The following ZKSCAN5 variants were observed in gnomAD, a reference collection of about 807,000 sequenced individuals.
The protein encoded by ZKSCAN5 is zinc finger with KRAB and SCAN domains 5, also known as zinc finger protein with KRAB and SCAN domains 5.
Under a neutral mutation model 60.0 loss-of-function variants are expected in ZKSCAN5, and 28 were observed. The ratio of observed to expected loss-of-function variants is 0.47; its 90% CI spans 0.35 to 0.64. The LOEUF is 0.64. Ranked by LOEUF, ZKSCAN5 falls within the 30% of genes least tolerant of loss-of-function variation. The pLI is 0.01. For missense variants in ZKSCAN5, 881 were observed against 1,034.6 expected (o/e 0.85, Z 2.04); for synonymous variants, 361 against 371.2 (o/e 0.97, Z 0.31).
chr7:99,527,201 T>C (rs1464611215), intron 6 of ZKSCAN5, among the ~76,000 whole-genome samples: 2 of 152,122 alleles, frequency 1.3e-5, no homozygotes, highest in Non-Finnish European at 2.9e-5. Flanking sequence ...CATGGTGGCA[T>C]GTGCCTGTAG....
In ZKSCAN5 at chr7:99,506,087, C is replaced by T. The variant is rs1401092628; in HGVS notation, c.43C>T (p.Pro15Ser). ...ESREVIDLDP[P>S]AETSQEQEDL... is the part of the protein sequence containing the mutation. ...CCGAGAAGTTATAGACTTAGACCCC[C>T]CAGCTGAGACTTCCCAGGAGCAGGA... The change falls in exon 2 of 7, where the codon CCA becomes TCA. Residue 15 changes from proline to serine, a missense_variant. Physicochemically the swap from Pro to Ser is moderately conservative, Grantham distance 74. This residue lies in a region of ZKSCAN5 where 88 missense variants were observed against 65.2 expected (regional missense o/e 1.35). Transcript: ENST00000326775. 6.2e-7 allele frequency: 1 copy of T among 1,614,144 alleles called. No individual in the cohort carries two copies. Among genetic ancestry groups the T allele is most frequent in the South Asian group, 1.1e-5 (1 of 91,076 alleles).
intron 5 of ZKSCAN5, among the ~76,000 whole-genome samples, chr7:99,524,262 C>T (rs1247820081): frequency 6.6e-6 from 1 of 151,980 alleles, no homozygotes; most frequent in Non-Finnish European, 1.5e-5. Flanking sequence ...TTAGTAGAGA[C>T]AGGTTTTCAT....
chr7:99,522,464 G>T (rs1801577981), intron 5 of ZKSCAN5, among the ~76,000 whole-genome samples: 1 of 151,044 alleles, frequency 6.6e-6, no homozygotes, highest in African/African-American at 2.4e-5. Context: ...TGGGTGGATT[G>T]TTTTTTGTTT....
chr7:99,524,294 A>G (rs1173032674), intron 5 of ZKSCAN5, among the ~76,000 whole-genome samples: 1 of 151,998 alleles, frequency 6.6e-6, no homozygotes, highest in Non-Finnish European at 1.5e-5. Flanking sequence ...GGCTGGTTTC[A>G]AACTCCTGAC....
chr7:99,505,235 C>T (rs1468253251), intron 1 of ZKSCAN5: 2 of 152,132 alleles, frequency 1.3e-5, no homozygotes, highest in Non-Finnish European at 2.9e-5. Context: ...GGTTTAACCC[C>T]GTTGGACAGG....
At chr7:99,527,269 A>G (rs537795993) in intron 6 of ZKSCAN5, among the ~76,000 whole-genome samples, 1 of 152,332 alleles carries the variant, frequency 6.6e-6, no homozygotes, top group South Asian at 2.1e-4. Flanking sequence ...GTTCAAGACT[A>G]CAGTGAGCTA....
In ZKSCAN5 at chr7:99,531,273, G is replaced by A. The variant is rs770353802; in HGVS notation, c.1544G>A (p.Gly515Glu). The change falls in exon 7 of 7, where the codon GGA becomes GAA. Residue 515 changes from glycine (G) to glutamate (E), a missense_variant. By Grantham distance (98) the Gly-to-Glu change is moderately conservative. Coordinates refer to ENST00000326775, the MANE Select transcript of ZKSCAN5 (RefSeq NM_145102.4). ...EFQGKLDRKQGIPMKEILGQP... is the reference protein window; with the variant it reads ...EFQGKLDRKQEIPMKEILGQP... ...CAAGGCAAGCTGGATAGAAAGCAGG[G>A]AATTCCCATGAAAGAGATACTAGGA... is the stretch of plus-strand genomic sequence containing the variant. 1.2e-6 allele frequency: 2 copies of A among 1,614,114 alleles called. No individual in the cohort carries two copies. The highest frequency in any genetic ancestry group is 2.2e-5 in the East Asian group (1 of 44,886).
At chr7:99,515,969 C>T (rs572176041) in intron 3 of ZKSCAN5, among the ~76,000 whole-genome samples, 1 of 151,994 alleles carries the variant, frequency 6.6e-6, no homozygotes, top group Non-Finnish European at 1.5e-5. Flanking sequence ...TCCTCCTCCC[C>T]TCTTCTGAGC....
At chr7:99,524,642 G>A (rs987539985) in intron 5 of ZKSCAN5, among the ~76,000 whole-genome samples, 9 of 152,096 alleles carry the variant, frequency 5.9e-5, no homozygotes, top group African/African-American at 2.2e-4. Flanking sequence ...AAACATCCAC[G>A]GTTCTATCAG....
In ZKSCAN5 at chr7:99,507,491, GTA is replaced by G. The variant is rs1378004256; in HGVS notation, c.414+1039_414+1040del. On this transcript the variant is annotated intron_variant, in intron 2 of 6. Transcript: ENST00000326775. Reference sequence around the variant, plus strand: ...TATATGTGTATATATGTGTATATATGTATATATGTGTATATATATGTGTGTAT... The same window carrying G: ...TATATGTGTATATATGTGTATATATGTATATGTGTATATATATGTGTGTAT... Among the ~76,000 whole-genome samples, 10 of 142,658 alleles carry G rather than the reference GTA, an allele frequency of 7.0e-5. No individual in the cohort carries two copies. The South Asian group carries it at 9.2e-4, about 13-fold the overall frequency. The allele number at this position is 142,658 out of a possible 152,430, so 93.6% of individuals were successfully genotyped here.
At position 99,531,944 on chromosome 7, in the gene ZKSCAN5, C is replaced by G; in HGVS notation, c.2215C>G (p.His739Asp). The G allele has an allele frequency of 6.2e-7, 1 of 1,614,172 alleles. No individual in the cohort carries two copies. The highest frequency in any genetic ancestry group is 8.5e-7 in the Non-Finnish European group (1 of 1,180,036). The change falls in exon 7 of 7, where the codon CAT (histidine) becomes GAT (aspartate). Residue 739 changes from histidine to aspartate, a missense_variant. This residue lies in a region of ZKSCAN5 where 138 missense variants were observed against 143.8 expected (regional missense o/e 0.96). Transcript: ENST00000326775. The stretch of plus-strand genomic sequence containing the variant: ...AGACCTCATTCAGCATTACAGAACT[C>G]ATACAGCAGAGAAGCCCTATCAATG... ...SSDLIQHYRT[H>D]TAEKPYQCDI...
At chr7:99,513,450 G>A (rs1480676493) in intron 3 of ZKSCAN5, among the ~76,000 whole-genome samples, 1 of 152,126 alleles carries the variant, frequency 6.6e-6, no homozygotes, top group Non-Finnish European at 1.5e-5. Flanking sequence ...ATGGAGGGCA[G>A]TGGTGCGATC....
chr7:99,512,814 T>TTTTATTTA (rs942536186), intron 3 of ZKSCAN5, among the ~76,000 whole-genome samples: 5 of 151,548 alleles, frequency 3.3e-5, no homozygotes, highest in African/African-American at 1.2e-4. Flanking sequence ...TTTTTTTTTC[T>TTTTATTTA]TTTATTTATT....
chr7:99,533,883 G>T lies in ZKSCAN5; in HGVS notation c.*1634G>T, dbSNP rs114763597. On this transcript the variant is annotated 3_prime_UTR_variant, in exon 7 of 7. Transcript: ENST00000326775. ...GAGAACCTGATCTAAGACATTTGGT[G>T]CCACAAGTGGTCATAGGAAGCTGCT... The T allele has an allele frequency of 1.2e-5, 4 of 340,980 alleles. No homozygotes were observed. Among genetic ancestry groups the T allele is most frequent in the African/African-American group, 8.4e-5 (4 of 47,466 alleles). The allele number at this position is 340,980 out of a possible 1,614,324, so 21.1% of individuals were successfully genotyped here.
chr7:99,525,677 C>A, intron 5 of ZKSCAN5, 136 bp from the exon 6 acceptor site: 1 of 1,213,420 alleles, frequency 8.2e-7, no homozygotes, highest in Non-Finnish European at 1.1e-6. Context: ...TTTTTCATCC[C>A]ATCCCTGTAC....
At chr7:99,525,142 G>A (rs951786998) in intron 5 of ZKSCAN5, among the ~76,000 whole-genome samples, 1 of 150,214 alleles carries the variant, frequency 6.7e-6, no homozygotes, top group African/African-American at 2.5e-5. Context: ...CTCCAGCCTG[G>A]GTGGCAGAGT....
At chr7:99,518,342 A>T (rs895105401) in intron 3 of ZKSCAN5, among the ~76,000 whole-genome samples, 4 of 151,272 alleles carry the variant, frequency 2.6e-5, no homozygotes, top group Admixed American at 2.0e-4. Context: ...AATTGCTTGA[A>T]CCCAGGAGGC....
chr7:99,532,020 A>C lies in ZKSCAN5; in HGVS notation c.2291A>C (p.Gln764Pro). ...CAGTGTTCCCACACCAAACAACATC[A>C]AAAAATCTACTCCAGCACAAAATCC... ...VGQCSHTKQH[Q>P]KIYSSTKSHQ... The change falls in exon 7 of 7, where the codon CAA becomes CCA. Residue 764 changes from glutamine to proline, a missense_variant. Physicochemically the swap from Gln to Pro is moderately conservative, Grantham distance 76 (BLOSUM62 -1). This residue lies in a region of ZKSCAN5 where 138 missense variants were observed against 143.8 expected (regional missense o/e 0.96). Coordinates refer to ENST00000326775, the MANE Select transcript of ZKSCAN5 (RefSeq NM_145102.4). 1 of 1,614,232 alleles carries C rather than the reference A, an allele frequency of 6.2e-7. No individual in the cohort carries two copies. The highest frequency in any genetic ancestry group is 8.5e-7 in the Non-Finnish European group (1 of 1,180,048).
intron 5 of ZKSCAN5, among the ~76,000 whole-genome samples, chr7:99,523,513 G>A (rs1433510112): frequency 6.6e-6 from 1 of 152,152 alleles, no homozygotes; most frequent in Non-Finnish European, 1.5e-5. Context: ...GGCTGAGGTG[G>A]GAGGATCGCT....
Sources: allele counts gnomAD v4.1 joint callset (sites outside exome capture counted in the v4.1 genomes callset), GRCh38; gene constraint gnomAD v4.1.1; regional missense constraint gnomAD v4.1.1; transcripts MANE v1.5; gene names NCBI Gene and HGNC (gene_info 2026-07-23, HGNC 2026-07-21).